ZCCHC10: variants seen among roughly 807,000 people sequenced by gnomAD.
The protein encoded by ZCCHC10 is zinc finger CCHC domain-containing protein 10.
In ZCCHC10, 16 loss-of-function variants were observed where a neutral mutation model predicts 19.5. The ratio of observed to expected loss-of-function variants is 0.82; its 90% CI spans 0.56 to 1.25. The LOEUF (loss-of-function observed/expected upper bound fraction) is 1.25. Ranked by LOEUF, ZCCHC10 falls within the 50% of genes most tolerant of loss-of-function variation. The pLI is 0.00. For missense variants in ZCCHC10, 197 were observed against 201.0 expected (o/e 0.98, Z 0.12); for synonymous variants, 67 against 72.5 (o/e 0.92, Z 0.38).
At chr5:133,016,796 T>C (rs1029388617) in intron 2 of ZCCHC10, among the ~76,000 whole-genome samples, 2 of 152,170 alleles carry the variant, frequency 1.3e-5, no homozygotes, top group African/African-American at 4.8e-5. Flanking sequence ...CCCACTATCC[T>C]TAATAGATTA....
rs763129186 is a variant in ZCCHC10 at position 132,998,578 on chromosome 5, C to A, written c.*5G>T. 1 of 1,610,800 alleles carries A rather than the reference C, an allele frequency of 6.2e-7. No individual in the cohort carries two copies. Among genetic ancestry groups the A allele is most frequent in the South Asian group, 1.1e-5 (1 of 91,006 alleles). On this transcript the variant is annotated 3_prime_UTR_variant, in exon 5 of 5. Transcript: ENST00000509437. ...GTCCATCAGTCCAATATGAATGGAG[C>A]AACTCTATTTCTTTTTCTTCTTCTT... is the stretch of plus-strand genomic sequence containing the variant.
chr5:133,000,001 G>A, intron 4 of ZCCHC10, 131 bp downstream of exon 4: 1 of 947,880 alleles, frequency 1.1e-6, no homozygotes, highest in Non-Finnish European at 1.6e-6. Context: ...ACCCACCTTG[G>A]CCTCCCAAAG....
intron 1 of ZCCHC10, among the ~76,000 whole-genome samples, chr5:133,025,619 C>T (rs1359814402): frequency 5.3e-5 from 8 of 150,908 alleles, no homozygotes. Flanking sequence ...GGCGTAATGG[C>T]TATCTTTCAG....
At chr5:133,012,045 G>A (rs1225965247) in intron 2 of ZCCHC10, among the ~76,000 whole-genome samples, 4 of 147,602 alleles carry the variant, frequency 2.7e-5, no homozygotes, top group African/African-American at 1.0e-4. Flanking sequence ...GCTGAGGCAG[G>A]AGAATTGCTC....
Position 132,998,783 on chromosome 5 carries a change from T to C in ZCCHC10, c.379A>G (p.Ser127Gly). The C allele has an allele frequency of 6.2e-7, 1 of 1,614,140 alleles. No individual in the cohort carries two copies. Among genetic ancestry groups the C allele is most frequent in the Non-Finnish European group, 8.5e-7 (1 of 1,180,026 alleles). The change falls in exon 5 of 5, where the codon AGT (serine) becomes GGT (glycine). Residue 127 changes from serine to glycine, a missense_variant. Ser to Gly is a moderately conservative substitution (Grantham distance 56, BLOSUM62 0). Transcript: ENST00000509437. ...DSSASDSSSESEETSTSSSSE... is the reference protein window; with the variant it reads ...DSSASDSSSEGEETSTSSSSE... The stretch of plus-strand genomic sequence containing the variant: ...GAGGAAGAGGTAGATGTTTCTTCAC[T>C]CTCTGATGAAGAATCACTGGCAGAA...
At chr5:133,001,012 T>C (rs1762735392) in intron 3 of ZCCHC10, among the ~76,000 whole-genome samples, 1 of 152,050 alleles carries the variant, frequency 6.6e-6, no homozygotes, top group South Asian at 2.1e-4. Flanking sequence ...AGTTATAAAG[T>C]CTGGTAAATT....
At chr5:133,010,903 T>C (rs1581400674) in intron 2 of ZCCHC10, among the ~76,000 whole-genome samples, 1 of 151,246 alleles carries the variant, frequency 6.6e-6, no homozygotes. Flanking sequence ...GCGATTCTCC[T>C]GCCTCAGCCT....
intron 1 of ZCCHC10, among the ~76,000 whole-genome samples, chr5:133,023,414 T>C (rs530757024): frequency 3.3e-5 from 5 of 151,948 alleles, no homozygotes; most frequent in African/African-American, 4.8e-5. Context: ...GAATGAGGAG[T>C]TCGTATTTAG....
chr5:133,003,130 A>C, intron 3 of ZCCHC10: 1 of 308,836 alleles, frequency 3.2e-6, no homozygotes, highest in Non-Finnish European at 6.4e-6. Flanking sequence ...TCTCCGCCAG[A>C]TCATGGGTCA....
At chr5:133,007,560 C>T (rs915901078) in intron 2 of ZCCHC10, among the ~76,000 whole-genome samples, 1 of 141,510 alleles carries the variant, frequency 7.1e-6, no homozygotes, top group Middle Eastern at 3.7e-3. Flanking sequence ...AAAAAAAAAA[C>T]AAAAAACCAC....
At chr5:133,016,857 C>G (rs973685795) in intron 2 of ZCCHC10, among the ~76,000 whole-genome samples, 1 of 152,130 alleles carries the variant, frequency 6.6e-6, no homozygotes, top group Non-Finnish European at 1.5e-5. Flanking sequence ...GTTGCCACTG[C>G]TGCCTCCTCC....
At chr5:133,014,154 C>CTTTTTTTTTTTTTT (rs767551153) in intron 2 of ZCCHC10, among the ~76,000 whole-genome samples, 2 of 113,078 alleles carry the variant, frequency 1.8e-5, no homozygotes, top group Admixed American at 9.6e-5. Flanking sequence ...ACTATTTACT[C>CTTTTTTTTTTTTTT]TTTTTTTTTT....
rs532012859 is a variant in ZCCHC10, at chr5:133,024,785, C to T, written c.41+1712G>A. 1.6e-4 allele frequency among the ~76,000 whole-genome samples: 24 copies of T among 152,166 alleles called. No homozygotes were observed. In the East Asian group the frequency reaches 4.4e-3, roughly 28 times the overall value. On this transcript the variant is annotated intron_variant, in intron 1 of 4. Coordinates refer to ENST00000509437, the MANE Select transcript of ZCCHC10 (RefSeq NM_001300816.3). The stretch of plus-strand genomic sequence containing the variant: ...GGGCATGGTGGCGGACGCCTGTAGT[C>T]CCAGCTAGTCGGGAGGCTGAGGCAG...
At chr5:133,008,021 C>A (rs1300716507) in intron 2 of ZCCHC10, among the ~76,000 whole-genome samples, 3 of 147,964 alleles carry the variant, frequency 2.0e-5, no homozygotes, top group African/African-American at 5.0e-5. Flanking sequence ...GTCAGGAGAT[C>A]GAGACCATCC....
At chr5:133,023,897 T>C (rs1764498526) in intron 1 of ZCCHC10, among the ~76,000 whole-genome samples, 1 of 152,184 alleles carries the variant, frequency 6.6e-6, no homozygotes, top group Non-Finnish European at 1.5e-5. Flanking sequence ...TTGATGAATA[T>C]AAAATGAAAA....
At position 132,998,550 on chromosome 5, in the gene ZCCHC10, T is replaced by C; in HGVS notation, c.*33A>G. 1 of 1,579,484 alleles carries C rather than the reference T, an allele frequency of 6.3e-7. No homozygotes were observed. Among genetic ancestry groups the C allele is most frequent in the Non-Finnish European group, 8.6e-7 (1 of 1,158,050 alleles). ...CCTTTCAAGAATCACATCAATGTTT[T>C]CAGTCCATCAGTCCAATATGAATGG... On this transcript the variant is annotated 3_prime_UTR_variant, in exon 5 of 5. Transcript: ENST00000509437.
chr5:133,013,569 A>G (rs1763717449), intron 2 of ZCCHC10, among the ~76,000 whole-genome samples: 1 of 151,806 alleles, frequency 6.6e-6, no homozygotes, highest in South Asian at 2.1e-4. Context: ...TAAAAATACA[A>G]AAATTAGCTG....
At chr5:133,000,096 A>G (rs1200043865) in intron 4 of ZCCHC10, 36 bp downstream of exon 4, 7 of 1,602,166 alleles carry the variant, frequency 4.4e-6, no homozygotes, top group East Asian at 2.2e-5. Context: ...TTAGTATTAC[A>G]TGTTATCTAT....
chr5:133,016,190 G>C (rs1345193333), intron 2 of ZCCHC10, among the ~76,000 whole-genome samples: 1 of 152,054 alleles, frequency 6.6e-6, no homozygotes, highest in Non-Finnish European at 1.5e-5. Flanking sequence ...GATAATGTTT[G>C]GAGCCAACAT....
Sources: gnomAD v4.1 joint callset for allele counts (sites outside exome capture counted in the v4.1 genomes callset) on GRCh38, gnomAD v4.1.1 for gene constraint, MANE v1.5 for transcripts, NCBI Gene and HGNC (gene_info 2026-07-23, HGNC 2026-07-21) for gene names.